The following PFKFB3 variants were observed in gnomAD, a reference collection of about 807,000 sequenced individuals.
PFKFB3 encodes the protein 6-phosphofructo-2-kinase/fructose-2,6-bisphosphatase 3.
Under a neutral mutation model 68.0 loss-of-function variants are expected in PFKFB3, and 33 were observed. The ratio of observed to expected loss-of-function variants is 0.49; its 90% CI spans 0.37 to 0.65. PFKFB3 has a LOEUF of 0.65. Ranked by LOEUF, PFKFB3 falls within the 30% of genes least tolerant of loss-of-function variation. The pLI is 0.00. For missense variants in PFKFB3, 586 were observed against 712.2 expected (o/e 0.82, Z 2.02); for synonymous variants, 315 against 288.2 (o/e 1.09, Z -0.94).
At chr10:6,208,633 G>A (rs1843957172) in intron 1 of PFKFB3, among the ~76,000 whole-genome samples, 1 of 152,090 alleles carries the variant, frequency 6.6e-6, no homozygotes, top group East Asian at 1.9e-4. Context: ...TTATTTACTG[G>A]GGATGCATTC....
Position 6,228,759 on chromosome 10 carries a change from G to T in PFKFB3, c.1515+2394G>T, listed in dbSNP as rs1464008808. On this transcript the variant is annotated intron_variant, in intron 14 of 14. Coordinates refer to ENST00000379775, the MANE Select transcript of PFKFB3 (RefSeq NM_004566.4). This position sits in a 1 kb window ranked among gnomAD's most constrained non-coding sequence, Gnocchi z 4.5. ...TGAGGACCCCCCACACCCCAAAAGA[G>T]CTCCGAGTGGAGACCCTTGGGGATC... 6.6e-6 allele frequency among the ~76,000 whole-genome samples: 1 copy of T among 152,178 alleles called. No homozygotes were observed.
At chr10:6,165,734 A>G (rs1278334463) in intron 1 of PFKFB3, among the ~76,000 whole-genome samples, 1 of 152,116 alleles carries the variant, frequency 6.6e-6, no homozygotes, top group Non-Finnish European at 1.5e-5. Context: ...GGTTTGTTAT[A>G]TAAGTAAACT....
chr10:6,198,832 T>C (rs1224248414), upstream of PFKFB3, among the ~76,000 whole-genome samples: 1 of 152,240 alleles, frequency 6.6e-6, no homozygotes, highest in East Asian at 1.9e-4. Context: ...TAGAACGGCA[T>C]CATATTCCAT....
intron 1 of PFKFB3, among the ~76,000 whole-genome samples, chr10:6,210,037 C>T (rs887397692): frequency 8.0e-6 from 1 of 124,732 alleles, no homozygotes; most frequent in East Asian, 2.1e-4. Context: ...CAGGCGTGAG[C>T]CACCGTGCCC....
At chr10:6,173,356 G>A (rs1842367424) in intron 1 of PFKFB3, among the ~76,000 whole-genome samples, 3 of 152,188 alleles carry the variant, frequency 2.0e-5, no homozygotes, top group African/African-American at 4.8e-5. Context: ...TGGAGGGGGC[G>A]CTCAGGAAGA....
rs553666888 is a variant in PFKFB3, at chr10:6,220,259, G to A, written c.624-399G>A. On this transcript the variant is annotated intron_variant, in intron 7 of 14. Coordinates refer to ENST00000379775, the MANE Select transcript of PFKFB3 (RefSeq NM_004566.4). This position sits in a 1 kb window ranked among gnomAD's most constrained non-coding sequence, Gnocchi z 4.1. ...TGGGACTACAGGTGTGGGTGTCCACGCCCAGCTAATTTTTTTTTTCTTTAG... is the reference window on the plus strand; with the variant it reads ...TGGGACTACAGGTGTGGGTGTCCACACCCAGCTAATTTTTTTTTTCTTTAG... Among the ~76,000 whole-genome samples the A allele has an allele frequency of 1.6e-4, 24 of 150,942 alleles. No homozygotes were observed. In the East Asian group the frequency reaches 4.0e-3, roughly 25 times the overall value.
intron 14 of PFKFB3, among the ~76,000 whole-genome samples, chr10:6,243,231 C>T (rs1043211925): frequency 1.3e-5 from 2 of 152,238 alleles, no homozygotes; most frequent in Non-Finnish European, 2.9e-5. Context: ...ATCCCTTTAA[C>T]AACCATGTTG....
chr10:6,205,047 A>G (rs1843593997), intron 1 of PFKFB3, among the ~76,000 whole-genome samples: 2 of 152,238 alleles, frequency 1.3e-5, no homozygotes, highest in Admixed American at 6.5e-5. Flanking sequence ...TCTCACACGC[A>G]GTGAGAGATT....
intron 13 of PFKFB3, chr10:6,225,246 C>G (rs553192377): frequency 2.9e-5 from 13 of 455,970 alleles, no homozygotes; most frequent in South Asian, 2.0e-4. Flanking sequence ...GTTCCCGAAA[C>G]AGGTGACTGT....
intron 14 of PFKFB3, among the ~76,000 whole-genome samples, chr10:6,243,589 T>A (rs1478098662): frequency 6.6e-6 from 1 of 152,150 alleles, no homozygotes; most frequent in East Asian, 1.9e-4. Flanking sequence ...ACGTTTTCCT[T>A]CTGGGGCCTG....
At position 6,215,726 on chromosome 10, in the gene PFKFB3, G is replaced by T. The variant is rs537419897; in HGVS notation, c.300-399G>T. ...TTGGAAAGGATTTCTTGTTAAGTGC[G>T]AGTTGATTGTGAAACCCTAGTGCAA... On this transcript the variant is annotated intron_variant, in intron 3 of 14. Transcript: ENST00000379775. The surrounding 1 kb of genome is among the most constrained non-coding windows in gnomAD (Gnocchi z 4.3). Among the ~76,000 whole-genome samples the T allele has an allele frequency of 3.1e-4, 47 of 152,330 alleles. No individual in the cohort carries two copies. The highest frequency in any genetic ancestry group is 3.4e-3 in the Middle Eastern group (1 of 294).
the PFKFB3 span, among the ~76,000 whole-genome samples, chr10:6,275,224 C>T: frequency 2.6e-5 from 4 of 152,208 alleles, no homozygotes; most frequent in Non-Finnish European, 5.9e-5. This position sits in a 1 kb window ranked among gnomAD's most constrained non-coding sequence, Gnocchi z 4.9. Flanking sequence ...GGCGACAAAC[C>T]GATGTGGCCT....
chr10:6,225,485 A>G (rs954507565), intron 13 of PFKFB3, among the ~76,000 whole-genome samples: 16 of 152,088 alleles, frequency 1.1e-4, no homozygotes, highest in African/African-American at 3.9e-4. Flanking sequence ...CCGCTATGGG[A>G]TTGGGCCTGA....
At chr10:6,189,117 G>A (rs1842959886) in intron 1 of PFKFB3, among the ~76,000 whole-genome samples, 1 of 152,152 alleles carries the variant, frequency 6.6e-6, no homozygotes, top group Non-Finnish European at 1.5e-5. Context: ...GGGATTACAG[G>A]CGTGAGCCAC....
intron 1 of PFKFB3, among the ~76,000 whole-genome samples, chr10:6,166,003 G>A (rs376039018): frequency 2.7e-4 from 37 of 137,994 alleles, no homozygotes; most frequent in Admixed American, 8.6e-4. Context: ...TTTTTGAGAC[G>A]AAGTCTCACT....
the PFKFB3 span, among the ~76,000 whole-genome samples, chr10:6,274,992 AT>A: frequency 6.6e-6 from 1 of 151,908 alleles, no homozygotes; most frequent in South Asian, 2.1e-4. Context: ...GGAGGAAAAG[AT>A]TTTTTTTCCC....
At chr10:6,283,858 C>A in the PFKFB3 span, among the ~76,000 whole-genome samples, 21 of 152,050 alleles carry the variant, frequency 1.4e-4, no homozygotes, top group Admixed American at 1.3e-4. Flanking sequence ...CAGATTGGAC[C>A]CTGGTGCCAC....
At chr10:6,255,165 C>G (rs1846477625), downstream of PFKFB3, among the ~76,000 whole-genome samples, 1 of 149,908 alleles carries the variant, frequency 6.7e-6, no homozygotes, top group African/African-American at 2.5e-5. Context: ...CGGAGTCTTA[C>G]CCAGGCTGGA....
At position 6,192,664 on chromosome 10, in the gene PFKFB3, CGTGTGTGTGTGTGT is replaced by C. The variant is rs34129264; in HGVS notation, c.17-20924_17-20911del. Among the ~76,000 whole-genome samples the C allele has an allele frequency of 5.3e-4, 68 of 128,870 alleles. 2 individuals carry two copies. The South Asian group carries it at 6.3e-3, about 12-fold the overall frequency. The allele number at this position is 128,870 out of a possible 152,430, so 84.5% of individuals were successfully genotyped here. On this transcript the variant is annotated intron_variant, in intron 1 of 14. Transcript: ENST00000379789. ...TTTGACATTGACTCTTCCCCTCACC[CGTGTGTGTGTGTGT>C]GTGTGTGTGTGTGTGTGTGTGTGTG...
Sources: gnomAD v4.1 joint callset for allele counts (sites outside exome capture counted in the v4.1 genomes callset) on GRCh38, gnomAD v4.1.1 for gene constraint, Gnocchi (gnomAD v3.1) non-coding constraint, MANE v1.5 for transcripts, NCBI Gene and HGNC (gene_info 2026-07-23, HGNC 2026-07-21) for gene names.